Variants in TBKBP1 observed in about 807,000 individuals in gnomAD.
TBKBP1 encodes TANK-binding kinase 1-binding protein 1.
A neutral mutation model predicts 69.9 loss-of-function variants in TBKBP1; 47 were observed. The observed-to-expected ratio is 0.67, with a 90% CI of 0.53 to 0.86. TBKBP1 has a LOEUF of 0.86. Among genes scored for constraint, TBKBP1 ranks in the 40% least tolerant of loss-of-function variants. The pLI is 0.00. For missense variants in TBKBP1, 831 were observed against 858.6 expected (o/e 0.97, Z 0.40); for synonymous variants, 418 against 390.3 (o/e 1.07, Z -0.84).
intron 2 of TBKBP1, 44 bp from the exon 3 acceptor site, chr17:47,696,667 G>C: frequency 6.2e-7 from 1 of 1,613,260 alleles, no homozygotes; most frequent in Non-Finnish European, 8.5e-7. Context: ...GCCTGGGCTG[G>C]GCACCCGGGA....
chr17:47,703,468 C>T (rs537801631), intron 7 of TBKBP1, among the ~76,000 whole-genome samples: 11 of 152,350 alleles, frequency 7.2e-5, no homozygotes, highest in Admixed American at 2.6e-4. Context: ...AGGGCACCCG[C>T]GCTGCACTCA....
In TBKBP1 at chr17:47,708,345, C is replaced by A; in HGVS notation, c.873-49C>A. ...GCCAGTTCTTCCTCCACAGCTGGGA[C>A]GGTAGACCCACTGCCCTTCTCGTCT... On this transcript the variant is annotated intron_variant, in intron 7 of 9. Transcript: ENST00000578982. The surrounding 1 kb of genome is among the most constrained non-coding windows in gnomAD (Gnocchi z 4.4). 1 of 1,593,330 alleles carries A rather than the reference C, an allele frequency of 6.3e-7. No homozygotes were observed. The highest frequency in any genetic ancestry group is 8.6e-7 in the Non-Finnish European group (1 of 1,162,708).
intron 2 of TBKBP1, 49 bp downstream of exon 2, chr17:47,696,386 G>T: frequency 6.3e-7 from 1 of 1,577,636 alleles, no homozygotes; most frequent in South Asian, 1.1e-5. Flanking sequence ...GGGATGGGGA[G>T]GGGGACTGGG....
chr17:47,702,698 G>T (rs2031551113), intron 7 of TBKBP1, among the ~76,000 whole-genome samples: 1 of 152,148 alleles, frequency 6.6e-6, no homozygotes, highest in South Asian at 2.1e-4. Flanking sequence ...GGTTTGGTTT[G>T]CCCAGCTCCT....
intron 7 of TBKBP1, 56 bp downstream of exon 7, chr17:47,699,753 C>CA: frequency 6.3e-7 from 1 of 1,599,872 alleles, no homozygotes; most frequent in Non-Finnish European, 8.6e-7. Flanking sequence ...CCTCCCCTCC[C>CA]AGCCCTCAGG....
At position 47,699,394 on chromosome 17, in the gene TBKBP1, C is replaced by A; in HGVS notation, c.709C>A (p.Gln237Lys). Residue 237 changes from glutamine to lysine, a missense_variant, in exon 6 of 10, where the codon CAG becomes AAG. Transcript: ENST00000578982. The part of the protein sequence containing the change: ...RRLEEALEAA[Q>K]GEARGAQLRE... ...GCTAGAAGAGGCTTTGGAGGCCGCG[C>A]AGGGAGAGGCCCGGGGGGCTCAGCT... 1 of 1,566,860 alleles carries A rather than the reference C, an allele frequency of 6.4e-7. No homozygotes were observed. Among genetic ancestry groups the A allele is most frequent in the Non-Finnish European group, 8.6e-7 (1 of 1,161,186 alleles).
Position 47,696,219 on chromosome 17 carries a change from T to A in TBKBP1, c.107T>A (p.Met36Lys). Residue 36 changes from methionine (M) to lysine (K), a missense_variant, in exon 2 of 10, where the codon ATG becomes AAG. Physicochemically the swap from Met to Lys is moderately conservative, Grantham distance 95. Coordinates refer to ENST00000578982, the MANE Select transcript of TBKBP1 (RefSeq NM_001394755.1). ...GGAGACCCCTCGCTTGGGGGCGACA[T>A]GTGCTCCGCCTCCCACTTTGCCCTC... ...SPGDPSLGGD[M>K]CSASHFALIT... The A allele has an allele frequency of 6.2e-7, 1 of 1,613,606 alleles. No homozygotes were observed. Among genetic ancestry groups the A allele is most frequent in the Non-Finnish European group, 8.5e-7 (1 of 1,179,812 alleles).
chr17:47,695,700 T>G, intron 1 of TBKBP1: 1 of 164,568 alleles, frequency 6.1e-6, no homozygotes, highest in Non-Finnish European at 1.3e-5. Context: ...GGCGAGGTAT[T>G]TGGGGAAGTA....
In TBKBP1 at chr17:47,708,991, A is replaced by G; in HGVS notation, c.1258A>G (p.Ser420Gly). 1 of 1,125,286 alleles carries G rather than the reference A, an allele frequency of 8.9e-7. No individual in the cohort carries two copies. Among genetic ancestry groups the G allele is most frequent in the Non-Finnish European group, 1.1e-6 (1 of 921,142 alleles). 69.7% of individuals were successfully genotyped at this position (1,125,286 alleles called of 1,614,324 possible). ...GCAGCGCCGTTCCCCGGTGCCCCCC[A>G]GCTGCCCGGCCCCGCAGCCCCGGCC... The part of the protein sequence containing the change: ...SPQRRSPVPP[S>G]CPAPQPRPPP... Residue 420 changes from serine (S) to glycine (G), a missense_variant, in exon 9 of 10, where the codon AGC (serine) becomes GGC (glycine). Ser to Gly is a moderately conservative substitution (Grantham distance 56). Transcript: ENST00000578982. This position sits in a 1 kb window ranked among gnomAD's most constrained non-coding sequence, Gnocchi z 4.4.
intron 7 of TBKBP1, among the ~76,000 whole-genome samples, chr17:47,704,157 A>G (rs2031618417): frequency 6.6e-6 from 1 of 152,198 alleles, no homozygotes; most frequent in African/African-American, 2.4e-5. Context: ...CCTGGTTTCC[A>G]GGCCTACCCC....
rs538065797 is a variant in TBKBP1, at chr17:47,710,084, C to T, written c.1720-414C>T. ...TCATTTCACTGAAATAATGAGTTCC[C>T]TGAATGTCAGAGCCACCCATTGTAA... is the stretch of plus-strand genomic sequence containing the variant. On this transcript the variant is annotated intron_variant, in intron 9 of 9. Coordinates refer to ENST00000578982, the MANE Select transcript of TBKBP1 (RefSeq NM_001394755.1). Among the ~76,000 whole-genome samples the T allele has an allele frequency of 3.9e-5, 6 of 152,338 alleles. No individual in the cohort carries two copies. In the South Asian group the frequency reaches 1.2e-3, roughly 32 times the overall value.
At chr17:47,700,801 T>G (rs2031471314) in intron 7 of TBKBP1, among the ~76,000 whole-genome samples, 1 of 151,902 alleles carries the variant, frequency 6.6e-6, no homozygotes, top group African/African-American at 2.4e-5. Flanking sequence ...GGGAGCTGTG[T>G]TGGTGGGGGG....
At position 47,700,268 on chromosome 17, in the gene TBKBP1, A is replaced by C. The variant is rs1000310516; in HGVS notation, c.872+571A>C. Among the ~76,000 whole-genome samples the C allele has an allele frequency of 1.0e-4, 12 of 119,346 alleles. No individual in the cohort carries two copies. In the East Asian group the frequency reaches 2.8e-3, roughly 28 times the overall value. 78.3% of individuals were successfully genotyped at this position (119,346 alleles called of 152,430 possible). ...CCTCCCAAAGTGCTGGGATTATAGG[A>C]GTGAGCCACTGCGCCCGGACCTTTT... On this transcript the variant is annotated intron_variant, in intron 7 of 9. Coordinates refer to ENST00000578982, the MANE Select transcript of TBKBP1 (RefSeq NM_001394755.1).
In TBKBP1 at chr17:47,696,782, G is replaced by A. The variant is rs914852883; in HGVS notation, c.297G>A (p.Leu99=). ...ATGAAATCAAGGATGGCTCCCTGCT[G>A]GAGGTGGAGAAGGTCAGCCTGCAGC... ...SLYEIKDGSL[L]EVEKVSLQQR... is the part of the protein sequence containing the mutation. Residue 99 remains leucine (L), a synonymous_variant, in exon 3 of 10, where the codon CTG becomes CTA. Coordinates refer to ENST00000578982, the MANE Select transcript of TBKBP1 (RefSeq NM_001394755.1). 6.2e-7 allele frequency: 1 copy of A among 1,613,984 alleles called. No homozygotes were observed. The highest frequency in any genetic ancestry group is 1.3e-5 in the African/African-American group (1 of 75,058).
chr17:47,700,496 G>A (rs917070044), intron 7 of TBKBP1, among the ~76,000 whole-genome samples: 3 of 151,654 alleles, frequency 2.0e-5, no homozygotes, highest in African/African-American at 7.3e-5. Context: ...TTGTCGCTGT[G>A]TCCAGTGTAA....
In TBKBP1 at chr17:47,709,451, A is replaced by G. The variant is rs762083796; in HGVS notation, c.1718A>G (p.Asn573Ser). The change falls in exon 9 of 10, where the codon AAC becomes AGC. Residue 573 changes from asparagine (N) to serine (S), a missense_variant and splice_region_variant. By Grantham distance (46) the Asn-to-Ser change is conservative. Coordinates refer to ENST00000578982, the MANE Select transcript of TBKBP1 (RefSeq NM_001394755.1). ...AEHAQSWPSI[N>S]LLMETVGSDI... Reference sequence around the variant, plus strand: ...CACGCGCAGTCCTGGCCGTCCATCAACGTGAGTGGGGCGCCCGCGTTCCGC... The same window carrying G: ...CACGCGCAGTCCTGGCCGTCCATCAGCGTGAGTGGGGCGCCCGCGTTCCGC... The G allele has an allele frequency of 6.6e-6, 10 of 1,522,108 alleles. 1 individual carries two copies. The highest frequency in any genetic ancestry group is 2.3e-4 in the Middle Eastern group (1 of 4,314). 94.3% of individuals were successfully genotyped at this position (1,522,108 alleles called of 1,614,324 possible).
At chr17:47,703,573 C>A (rs1040672520) in intron 7 of TBKBP1, among the ~76,000 whole-genome samples, 13 of 152,206 alleles carry the variant, frequency 8.5e-5, no homozygotes, top group African/African-American at 2.9e-4. Flanking sequence ...GTCCTTGGTG[C>A]TTTGCCTGCC....
Position 47,710,672 on chromosome 17 carries a change from C to G in TBKBP1, c.*46C>G, listed in dbSNP as rs572591379. The stretch of plus-strand genomic sequence containing the variant: ...GCTGTTTCTCCGTCCTCTCCTATCA[C>G]CCCCAAACACTCACTTTGAATGCTG... On this transcript the variant is annotated 3_prime_UTR_variant, in exon 10 of 10. Transcript: ENST00000578982. 2 of 1,572,218 alleles carry G rather than the reference C, an allele frequency of 1.3e-6. No homozygotes were observed. Among genetic ancestry groups the G allele is most frequent in the East Asian group, 4.6e-5 (2 of 43,574 alleles).
rs761126051 is a variant in TBKBP1, at chr17:47,708,557, A to G, written c.991+45A>G. The G allele has an allele frequency of 1.3e-6, 2 of 1,595,444 alleles. No individual in the cohort carries two copies. Among genetic ancestry groups the G allele is most frequent in the East Asian group, 2.2e-5 (1 of 44,698 alleles). On this transcript the variant is annotated intron_variant, in intron 8 of 9. Coordinates refer to ENST00000578982, the MANE Select transcript of TBKBP1 (RefSeq NM_001394755.1). The surrounding 1 kb of genome is among the most constrained non-coding windows in gnomAD (Gnocchi z 4.4). ...GGGGAGGCAGCCGCGGGACCCGGGA[A>G]GGAGCGGGTAGCCATGGCAACCATC...
Sources: gnomAD v4.1 joint callset for allele counts (sites outside exome capture counted in the v4.1 genomes callset) on GRCh38, gnomAD v4.1.1 for gene constraint, Gnocchi (gnomAD v3.1) non-coding constraint, MANE v1.5 for transcripts, NCBI Gene and HGNC (gene_info 2026-07-23, HGNC 2026-07-21) for gene names.